Variants in MEGF8 observed in about 807,000 individuals in gnomAD.
MEGF8 encodes multiple epidermal growth factor-like domains protein 8.
A neutral mutation model predicts 302.9 loss-of-function variants in MEGF8; 156 were observed. The ratio of observed to expected loss-of-function variants is 0.52; its 90% CI spans 0.45 to 0.59. MEGF8 has a LOEUF of 0.59. MEGF8 is among the 20% of genes least tolerant of loss of function. The probability of loss-of-function intolerance (pLI) is 0.00; values close to 1 mark genes in which losing one functional copy is unlikely to be tolerated. For missense variants in MEGF8, 3,345 were observed against 3,964.5 expected, an observed-to-expected ratio of 0.84 and a Z score of 4.20; for synonymous variants, 1,621 against 1,660.5, an observed-to-expected ratio of 0.98 and a Z score of 0.58.
chr19:42,349,403 G>A (rs1032624585), intron 13 of MEGF8, 96 bp from the exon 14 acceptor site: 20 of 1,077,178 alleles, frequency 1.9e-5, no homozygotes, highest in African/African-American at 3.2e-5. Context: ...TTCTTAGGAG[G>A]GGGTGGGGTA....
chr19:42,369,537 A>G lies in MEGF8; in HGVS notation c.6648A>G (p.Thr2216=). The G allele has an allele frequency of 1.9e-6, 3 of 1,606,366 alleles. No individual in the cohort carries two copies. Among genetic ancestry groups the G allele is most frequent in the Non-Finnish European group, 2.5e-6 (3 of 1,177,972 alleles). ...CKTGYTMDNM[T]GLCRPVCAQG... is the part of the protein sequence containing the mutation. ...CCCCACTTTGCCCCTGCAGCATGACAGGGCTGTGCCGCCCTGTGTGCGCCC... is the reference window on the plus strand; with the variant it reads ...CCCCACTTTGCCCCTGCAGCATGACGGGGCTGTGCCGCCCTGTGTGCGCCC... The change falls in exon 38 of 42, where the codon ACA becomes ACG. Residue 2216 remains threonine, a synonymous_variant. Coordinates refer to ENST00000251268, the MANE Select transcript of MEGF8 (RefSeq NM_001271938.2). This position sits in a 1 kb window ranked among gnomAD's most constrained non-coding sequence, Gnocchi z 5.7.
intron 41 of MEGF8, among the ~76,000 whole-genome samples, chr19:42,372,695 CAG>C (rs2039709271): frequency 6.6e-6 from 1 of 151,538 alleles, no homozygotes; most frequent in Admixed American, 6.6e-5. Context: ...TTTTTGGACA[CAG>C]AGTATTGCTC....
In MEGF8 at chr19:42,370,229, C is replaced by T. The variant is rs1425230368; in HGVS notation, c.6875C>T (p.Ser2292Leu). Reference sequence around the variant, plus strand: ...CAGTGCCTCCCGCTGTTTGTGGGTTCAGCTGTCGGAGGCGGGACCTGCCGG... The same window carrying T: ...CAGTGCCTCCCGCTGTTTGTGGGTTTAGCTGTCGGAGGCGGGACCTGCCGG... The part of the protein sequence containing the change: ...CEQCLPLFVG[S>L]AVGGGTCRPC... The change falls in exon 39 of 42, where the codon TCA (serine) becomes TTA (leucine). Residue 2292 changes from serine (S) to leucine (L), a missense_variant. Transcript: ENST00000251268. 2.5e-6 allele frequency: 4 copies of T among 1,613,722 alleles called. No individual in the cohort carries two copies. Among genetic ancestry groups the T allele is most frequent in the Non-Finnish European group, 3.4e-6 (4 of 1,179,856 alleles).
rs777009062 is a variant in MEGF8 at position 42,336,358 on chromosome 19, G to A, written c.1244+12G>A. 6.3e-7 allele frequency: 1 copy of A among 1,578,734 alleles called. No homozygotes were observed. The highest frequency in any genetic ancestry group is 1.2e-5 in the South Asian group (1 of 86,846). On this transcript the variant is annotated intron_variant, in intron 6 of 41. Transcript: ENST00000251268. This position sits in a 1 kb window ranked among gnomAD's most constrained non-coding sequence, Gnocchi z 4.8. ...CCCTCCACTGCCCGGTAAGTGACCTGTCCCATAACCCATGCTCCACAGGCC... is the reference window on the plus strand; with the variant it reads ...CCCTCCACTGCCCGGTAAGTGACCTATCCCATAACCCATGCTCCACAGGCC...
intron 35 of MEGF8, among the ~76,000 whole-genome samples, chr19:42,366,124 T>C (rs1004482195): frequency 6.6e-6 from 1 of 152,126 alleles, no homozygotes; most frequent in Non-Finnish European, 1.5e-5. Context: ...ACCGCACAAA[T>C]CAAACATAAT....
At position 42,358,822 on chromosome 19, in the gene MEGF8, G is replaced by C; in HGVS notation, c.5211G>C (p.Arg1737=). Residue 1737 remains arginine, a synonymous_variant, in exon 30 of 42, where the codon CGG becomes CGC. Coordinates refer to ENST00000251268, the MANE Select transcript of MEGF8 (RefSeq NM_001271938.2). The surrounding 1 kb of genome is among the most constrained non-coding windows in gnomAD (Gnocchi z 4.4). ...DRMRNVRGSS[R]GLGQVPGEQP... ...TGAGGAATGTGCGTGGCTCATCTCGGGGTCTGGGCCAAGTTCCTGGGGAGC... is the reference window on the plus strand; with the variant it reads ...TGAGGAATGTGCGTGGCTCATCTCGCGGTCTGGGCCAAGTTCCTGGGGAGC... The C allele has an allele frequency of 1.3e-6, 2 of 1,594,416 alleles. No individual in the cohort carries two copies. The highest frequency in any genetic ancestry group is 2.2e-5 in the East Asian group (1 of 44,674).
rs144209358 is a variant in MEGF8 at position 42,363,736 on chromosome 19, C to T, written c.6273+474C>T. 3.3e-3 allele frequency among the ~76,000 whole-genome samples: 501 copies of T among 152,250 alleles called. 2 individuals carry two copies. Among genetic ancestry groups the T allele is most frequent in the African/African-American group, 0.012 (488 of 41,554 alleles). On this transcript the variant is annotated intron_variant, in intron 35 of 41. Coordinates refer to ENST00000251268, the MANE Select transcript of MEGF8 (RefSeq NM_001271938.2). ...TGGTTATAAGAAACAGACACTCCCT[C>T]GAGCTGGTTTTGTTATAAGGAAGTG...
At chr19:42,341,317 T>C (rs2039209658) in intron 8 of MEGF8, among the ~76,000 whole-genome samples, 1 of 150,838 alleles carries the variant, frequency 6.6e-6, no homozygotes, top group African/African-American at 2.4e-5. Context: ...TGGTCACAGC[T>C]ACTCAGGAGG....
rs1174903187 is a variant in MEGF8 at position 42,378,019 on chromosome 19, AG to A, written c.*1248del. 4 of 152,234 alleles carry A rather than the reference AG, an allele frequency of 2.6e-5. No homozygotes were observed. The highest frequency in any genetic ancestry group is 9.7e-5 in the African/African-American group (4 of 41,422). The allele number at this position is 152,234 out of a possible 1,614,324, so 9.4% of individuals were successfully genotyped here. ...TTGTGGCCTGAACTGTGGGTGGCTG[AG>A]GGGATCGTTAATTGAATGGGGCAGA... On this transcript the variant is annotated 3_prime_UTR_variant, in exon 42 of 42. Coordinates refer to ENST00000251268, the MANE Select transcript of MEGF8 (RefSeq NM_001271938.2).
intron 41 of MEGF8, among the ~76,000 whole-genome samples, chr19:42,374,429 C>G (rs1421910960): frequency 6.7e-5 from 10 of 150,304 alleles, no homozygotes. Context: ...CGATATCACA[C>G]CACTGCACTC....
At position 42,336,046 on chromosome 19, in the gene MEGF8, G is replaced by T; in HGVS notation, c.944G>T (p.Arg315Met). Residue 315 changes from arginine to methionine, a missense_variant, in exon 6 of 42, where the codon AGG becomes ATG. Transcript: ENST00000251268. The surrounding 1 kb of genome is among the most constrained non-coding windows in gnomAD (Gnocchi z 4.8). ...NDVWAFSPLG[R>M]GHWELLAPPA... ...GTGTGGGCCTTCAGTCCACTGGGCAGGGGCCACTGGGAGCTCCTGGCACCA... is the reference window on the plus strand; with the variant it reads ...GTGTGGGCCTTCAGTCCACTGGGCATGGGCCACTGGGAGCTCCTGGCACCA... The T allele has an allele frequency of 6.3e-7, 1 of 1,578,908 alleles. No individual in the cohort carries two copies. The highest frequency in any genetic ancestry group is 8.6e-7 in the Non-Finnish European group (1 of 1,166,368).
Position 42,344,543 on chromosome 19 carries a change from C to T in MEGF8, c.1891C>T (p.Leu631=), listed in dbSNP as rs753765040. Reference sequence around the variant, plus strand: ...AGCCCCTCCACGGGGACCTGGCACCCTGGGCTGGTGCGTGCACAATGAGAG... The same window carrying T: ...AGCCCCTCCACGGGGACCTGGCACCTTGGGCTGGTGCGTGCACAATGAGAG... ...PTAPPRGPGT[L]GWCVHNESCL... The change falls in exon 11 of 42, where the codon CTG becomes TTG. Residue 631 remains leucine, a synonymous_variant. Transcript: ENST00000251268. This position sits in a 1 kb window ranked among gnomAD's most constrained non-coding sequence, Gnocchi z 4.5. 7.4e-5 allele frequency: 119 copies of T among 1,600,044 alleles called. No individual in the cohort carries two copies. Among genetic ancestry groups the T allele is most frequent in the Non-Finnish European group, 9.8e-5 (116 of 1,178,914 alleles).
rs2039477922 is a variant in MEGF8 at position 42,358,087 on chromosome 19, G to A, written c.5012-57G>A. Reference sequence around the variant, plus strand: ...CACCGAACAGGGGACCGGGAGGTCGGCGGGGTCAGTGCTGTTGTCAGCCCC... The same window carrying A: ...CACCGAACAGGGGACCGGGAGGTCGACGGGGTCAGTGCTGTTGTCAGCCCC... On this transcript the variant is annotated intron_variant, in intron 28 of 41. Transcript: ENST00000251268. The surrounding 1 kb of genome is among the most constrained non-coding windows in gnomAD (Gnocchi z 4.4). 8 of 1,425,390 alleles carry A rather than the reference G, an allele frequency of 5.6e-6. No individual in the cohort carries two copies. The South Asian group carries it at 1.3e-4, about 22-fold the overall frequency. 88.3% of individuals were successfully genotyped at this position (1,425,390 alleles called of 1,614,324 possible). A position where few individuals can be genotyped will look rare whatever the true frequency, so the allele number is the denominator to read the frequency against.
chr19:42,340,880 C>T (rs1169058351), intron 8 of MEGF8, among the ~76,000 whole-genome samples: 1 of 150,886 alleles, frequency 6.6e-6, no homozygotes, highest in Non-Finnish European at 1.5e-5. Context: ...GTTTGCCAGG[C>T]TGGTCTTGAA....
chr19:42,378,030 A>G lies in MEGF8; in HGVS notation c.*1255A>G, dbSNP rs1368181226. 1 of 152,228 alleles carries G rather than the reference A, an allele frequency of 6.6e-6. No homozygotes were observed. Among genetic ancestry groups the G allele is most frequent in the East Asian group, 1.9e-4 (1 of 5,190 alleles). 9.4% of individuals were successfully genotyped at this position (152,228 alleles called of 1,614,324 possible). A position where few individuals can be genotyped will look rare whatever the true frequency, so the allele number is the denominator to read the frequency against. ...ACTGTGGGTGGCTGAGGGGATCGTT[A>G]ATTGAATGGGGCAGACTGAGGCTTG... On this transcript the variant is annotated 3_prime_UTR_variant, in exon 42 of 42. Transcript: ENST00000251268.
intron 35 of MEGF8, among the ~76,000 whole-genome samples, chr19:42,363,971 G>A (rs1358202403): frequency 7.9e-5 from 12 of 152,156 alleles, no homozygotes; most frequent in African/African-American, 1.7e-4. Flanking sequence ...TGTGTTTGTC[G>A]GTTAGCTCAC....
chr19:42,344,045 C>A lies in MEGF8; in HGVS notation c.1760C>A (p.Ala587Glu). 6.2e-7 allele frequency: 1 copy of A among 1,613,682 alleles called. No homozygotes were observed. Among genetic ancestry groups the A allele is most frequent in the South Asian group, 1.1e-5 (1 of 91,084 alleles). The part of the protein sequence containing the change: ...CSWCQGACQA[A>E]PPPGTPLGAC... Reference sequence around the variant, plus strand: ...TGGTGCCAAGGAGCCTGCCAAGCTGCACCCCCTCCTGGGACCCCCTTGGGG... The same window carrying A: ...TGGTGCCAAGGAGCCTGCCAAGCTGAACCCCCTCCTGGGACCCCCTTGGGG... Residue 587 changes from alanine (A) to glutamate (E), a missense_variant, in exon 10 of 42, where the codon GCA becomes GAA. Coordinates refer to ENST00000251268, the MANE Select transcript of MEGF8 (RefSeq NM_001271938.2). This position sits in a 1 kb window ranked among gnomAD's most constrained non-coding sequence, Gnocchi z 4.5.
intron 7 of MEGF8, 58 bp from the exon 8 acceptor site, chr19:42,337,026 G>A: frequency 6.2e-7 from 1 of 1,612,858 alleles, no homozygotes; most frequent in African/African-American, 1.3e-5. Context: ...GCTCCCTGCA[G>A]GGGAGTCCCC....
chr19:42,356,906 G>A lies in MEGF8; in HGVS notation c.4755G>A (p.Gly1585=), dbSNP rs1182107372. The change falls in exon 27 of 42, where the codon GGG becomes GGA. Residue 1585 remains glycine, a synonymous_variant. Coordinates refer to ENST00000251268, the MANE Select transcript of MEGF8 (RefSeq NM_001271938.2). This position sits in a 1 kb window ranked among gnomAD's most constrained non-coding sequence, Gnocchi z 5.2. ...PAGRGAMYLL[G]GLTAGGVTRD... ...GCCGTGGTGCCATGTATCTGCTGGGGGGACTTACCGCTGGAGGCGTCACCC... is the reference window on the plus strand; with the variant it reads ...GCCGTGGTGCCATGTATCTGCTGGGAGGACTTACCGCTGGAGGCGTCACCC... 1.9e-6 allele frequency: 3 copies of A among 1,610,088 alleles called. No homozygotes were observed. Among genetic ancestry groups the A allele is most frequent in the Admixed American group, 1.7e-5 (1 of 59,508 alleles).
Sources: gnomAD v4.1 joint callset for allele counts (sites outside exome capture counted in the v4.1 genomes callset) on GRCh38, gnomAD v4.1.1 for gene constraint, Gnocchi (gnomAD v3.1) non-coding constraint, MANE v1.5 for transcripts, NCBI Gene and HGNC (gene_info 2026-07-23, HGNC 2026-07-21) for gene names.